The following TCF4 variants were observed in gnomAD, a reference collection of about 807,000 sequenced individuals.
TCF4 encodes transcription factor 4, also known as SL3-3 enhancer factor 2.
Under a neutral mutation model 82.1 loss-of-function variants are expected in TCF4, and 3 were observed. The ratio of observed to expected loss-of-function variants is 0.04; its 90% CI spans 0.02 to 0.09. The LOEUF is 0.09. Among genes scored for constraint, TCF4 ranks in the 10% least tolerant of loss-of-function variants. The pLI is 1.00. For synonymous variants in TCF4, 276 were observed against 309.6 expected (o/e 0.89, Z 1.14); for missense variants, 518 against 852.7 (o/e 0.61, Z 4.89).
intron 14 of TCF4, among the ~76,000 whole-genome samples, chr18:55,255,841 T>C (rs558799095): frequency 1.3e-5 from 2 of 152,300 alleles, no homozygotes; most frequent in African/African-American, 2.4e-5. Flanking sequence ...CATGCTACAA[T>C]TGACTTTGAT....
At chr18:55,589,971 C>G (rs188822204), upstream of TCF4, 1 of 336,688 alleles carries the variant, frequency 3.0e-6, no homozygotes, top group Non-Finnish European at 4.2e-6. Context: ...GGTGGCTGTT[C>G]TCGGGTAGGC....
At chr18:55,376,784 C>T (rs905024458) in intron 6 of TCF4, among the ~76,000 whole-genome samples, 4 of 152,168 alleles carry the variant, frequency 2.6e-5, no homozygotes, top group Non-Finnish European at 5.9e-5. Flanking sequence ...TCCCAAGAAC[C>T]TCAATATGTT....
At chr18:55,516,063 G>T (rs1052852640) in intron 3 of TCF4, among the ~76,000 whole-genome samples, 2 of 152,092 alleles carry the variant, frequency 1.3e-5, no homozygotes, top group African/African-American at 4.8e-5. Context: ...TGGTGGTGGT[G>T]GTGTGTATGT....
chr18:55,264,490 A>G (rs1342538997), intron 11 of TCF4: 1 of 152,166 alleles, frequency 6.6e-6, no homozygotes. Flanking sequence ...GTTAAGCTAC[A>G]TGAGTCTTTC....
intron 11 of TCF4, chr18:55,268,221 G>C (rs1227602897): frequency 2.0e-5 from 3 of 151,986 alleles, no homozygotes; most frequent in Admixed American, 6.6e-5. Flanking sequence ...TCCTAAAAAA[G>C]AAAATTACTC....
chr18:55,560,494 T>G (rs1032403244), intron 3 of TCF4, among the ~76,000 whole-genome samples: 3 of 152,238 alleles, frequency 2.0e-5, no homozygotes, highest in Middle Eastern at 3.4e-3. Flanking sequence ...ATGAGGAAAT[T>G]CTATCCGAAG....
chr18:55,250,751 G>T (rs1038653290), intron 15 of TCF4, among the ~76,000 whole-genome samples: 3 of 152,160 alleles, frequency 2.0e-5, no homozygotes, highest in Non-Finnish European at 4.4e-5. Context: ...TATTTACAGG[G>T]GTCGGGGGGA....
intron 8 of TCF4, chr18:55,321,729 C>A (rs2075540931): frequency 2.0e-6 from 3 of 1,536,114 alleles, no homozygotes; most frequent in South Asian, 1.2e-5. Flanking sequence ...ATTGTGTATG[C>A]GCAGTACATG....
chr18:55,467,522 T>C (rs1440859931), intron 3 of TCF4, among the ~76,000 whole-genome samples: 1 of 152,166 alleles, frequency 6.6e-6, no homozygotes, highest in African/African-American at 2.4e-5. Context: ...ACCACAGGAC[T>C]ACTCCACTGT....
At chr18:55,558,321 T>C (rs772181191) in intron 3 of TCF4, among the ~76,000 whole-genome samples, 1 of 152,212 alleles carries the variant, frequency 6.6e-6, no homozygotes, top group African/African-American at 2.4e-5. Context: ...ATGCTGTATC[T>C]TCCAAATCTG....
Position 55,588,073 on chromosome 18 carries a change from C to T in TCF4, c.-56G>A, listed in dbSNP as rs2097670053. Reference sequence around the variant, plus strand: ...CGAGAAGGGGCTCTCCGTGCACCGCCGGCGCCGAGGCGGCGTTCATGTCTA... The same window carrying T: ...CGAGAAGGGGCTCTCCGTGCACCGCTGGCGCCGAGGCGGCGTTCATGTCTA... On this transcript the variant is annotated 5_prime_UTR_variant, in exon 1 of 20. Transcript: ENST00000354452. 1 of 993,594 alleles carries T rather than the reference C, an allele frequency of 1.0e-6. No homozygotes were observed. The highest frequency in any genetic ancestry group is 1.7e-5 in the African/African-American group (1 of 57,206). The allele number at this position is 993,594 out of a possible 1,614,324, so 61.5% of individuals were successfully genotyped here. A position where few individuals can be genotyped will look rare whatever the true frequency, so the allele number is the denominator to read the frequency against.
intron 3 of TCF4, among the ~76,000 whole-genome samples, chr18:55,533,222 C>T (rs954643360): frequency 2.6e-5 from 4 of 152,120 alleles, no homozygotes; most frequent in African/African-American, 7.2e-5. Context: ...TCCCAGGGAG[C>T]GTATGGCTGC....
chr18:55,263,149 C>T lies in TCF4; in HGVS notation c.923-1616G>A, dbSNP rs570909947. On this transcript the variant is annotated intron_variant, in intron 11 of 19. Coordinates refer to ENST00000354452, the MANE Select transcript of TCF4 (RefSeq NM_001083962.2). The stretch of plus-strand genomic sequence containing the variant: ...TTTATTTGGTTTACAAAACCCACAC[C>T]CATATTTATTTGTTAATTGCTAAAA... Among the ~76,000 whole-genome samples the T allele has an allele frequency of 4.5e-4, 69 of 152,130 alleles. No individual in the cohort carries two copies. The South Asian group carries it at 9.4e-3, about 21-fold the overall frequency.
chr18:55,519,667 C>T (rs2096917129), intron 3 of TCF4, among the ~76,000 whole-genome samples: 1 of 152,156 alleles, frequency 6.6e-6, no homozygotes, highest in African/African-American at 2.4e-5. Flanking sequence ...ACTGTGCACA[C>T]AACTCACTTA....
At chr18:55,463,975 TGTGAGAGAGA>T (rs2095941325) in intron 4 of TCF4, 91 bp downstream of exon 4, 3 of 234,838 alleles carry the variant, frequency 1.3e-5, no homozygotes, top group Non-Finnish European at 2.3e-5. Context: ...TGTGTGTGTG[TGTGAGAGAGA>T]GAGAGAGAGA....
Position 55,588,156 on chromosome 18 carries a change from CCCGCCGCCG to C in TCF4, c.-148_-140del, listed in dbSNP as rs886053961. ...CGCCCGCTCCCGCGCCTGCTGCCTC[CCCGCCGCCG>C]CCGCCGCCGCCGCCACTACAGATCC... On this transcript the variant is annotated 5_prime_UTR_variant, in exon 1 of 20. Coordinates refer to ENST00000354452, the MANE Select transcript of TCF4 (RefSeq NM_001083962.2). The C allele has an allele frequency of 7.1e-4, 772 of 1,093,002 alleles. 7 individuals carry two copies. In the African/African-American group the frequency reaches 0.011, roughly 16 times the overall value. 67.7% of individuals were successfully genotyped at this position (1,093,002 alleles called of 1,614,324 possible).
intron 5 of TCF4, among the ~76,000 whole-genome samples, chr18:55,427,125 C>A (rs530485452): frequency 6.6e-6 from 1 of 152,244 alleles, no homozygotes; most frequent in East Asian, 1.9e-4. Flanking sequence ...GCATCAAAAA[C>A]CCCAAATCCA....
intron 6 of TCF4, chr18:55,402,011 G>C (rs2093848499): frequency 3.0e-6 from 3 of 984,064 alleles, no homozygotes; most frequent in Non-Finnish European, 3.6e-6. Flanking sequence ...ACAGCACTCA[G>C]AGGCTTGTCG....
chr18:55,586,230 T>G (rs1346526821), intron 2 of TCF4: 25 of 613,670 alleles, frequency 4.1e-5, no homozygotes, highest in East Asian at 8.7e-5. Flanking sequence ...AGCAGCAGCA[T>G]GAAAGAGCCC....
Sources: gnomAD v4.1 joint callset for allele counts (sites outside exome capture counted in the v4.1 genomes callset) on GRCh38, gnomAD v4.1.1 for gene constraint, MANE v1.5 for transcripts, NCBI Gene and HGNC (gene_info 2026-07-23, HGNC 2026-07-21) for gene names.